NBPF9: variants seen among roughly 807,000 people sequenced by gnomAD.
NBPF9 encodes NBPF family member NBPF9.
Under a neutral mutation model 97.8 loss-of-function variants are expected in NBPF9, and 91 were observed. The ratio of observed to expected loss-of-function variants is 0.93; its 90% CI spans 0.79 to 1.11. The LOEUF (loss-of-function observed/expected upper bound fraction) is 1.11. Ranked by LOEUF, NBPF9 falls within the 50% of genes least tolerant of loss-of-function variation. NBPF9 has a pLI of 0.00. For synonymous variants in NBPF9, 334 were observed against 359.5 expected, an observed-to-expected ratio of 0.93 and a Z score of 0.80; for missense variants, 992 against 939.5, an observed-to-expected ratio of 1.06 and a Z score of -0.73.
chr1:149,103,081 A>T (rs1177384075), intron 1 of NBPF9, among the ~76,000 whole-genome samples: 1 of 151,838 alleles, frequency 6.6e-6, no homozygotes, highest in Non-Finnish European at 1.5e-5. Flanking sequence ...TTTCTTCCCC[A>T]GCGCCCAAGA....
chr1:149,061,981 C>T (rs1553650056), intron 22 of NBPF9, 112 bp downstream of exon 22: 1 of 637,238 alleles, frequency 1.6e-6, no homozygotes, highest in Non-Finnish European at 2.8e-6. Flanking sequence ...CCCATAGGTC[C>T]TGCCTGTGGC....
At chr1:149,070,272 G>C (rs2079293395) in intron 16 of NBPF9, among the ~76,000 whole-genome samples, 1 of 142,436 alleles carries the variant, frequency 7.0e-6, no homozygotes, top group Non-Finnish European at 1.5e-5. Context: ...ACCAAGCCAA[G>C]ATGGTGCCAC....
chr1:149,103,018 G>A (rs1458569524), intron 1 of NBPF9, among the ~76,000 whole-genome samples, 171 bp from the exon 2 acceptor site: 85 of 150,366 alleles, frequency 5.7e-4, no homozygotes, highest in Middle Eastern at 3.4e-3. Flanking sequence ...ACGTGCCCCC[G>A]AAGCTGCTCG....
chr1:149,079,924 CAT>C (rs1553656048), intron 8 of NBPF9, 127 bp downstream of exon 8: 10 of 794,198 alleles, frequency 1.3e-5, no homozygotes, highest in South Asian at 8.6e-5. Flanking sequence ...ATTTGTGTGT[CAT>C]GAGCCTGCCA....
intron 7 of NBPF9, among the ~76,000 whole-genome samples, chr1:149,081,113 T>C (rs879976347): frequency 6.8e-6 from 1 of 146,416 alleles, no homozygotes; most frequent in African/African-American, 2.5e-5. Context: ...ATTTTTGATT[T>C]ATTTATCTTT....
chr1:149,101,923 CTTTTTT>C (rs1229722249), intron 2 of NBPF9, among the ~76,000 whole-genome samples: 2 of 80,648 alleles, frequency 2.5e-5, no homozygotes, highest in Non-Finnish European at 2.5e-5. Context: ...ATTACCTGTA[CTTTTTT>C]TTTTTTTTTT....
chr1:149,087,099 A>C (rs1161814152), intron 5 of NBPF9, among the ~76,000 whole-genome samples: 5 of 151,828 alleles, frequency 3.3e-5, no homozygotes, highest in Non-Finnish European at 5.9e-5. Context: ...TCATTGTTGC[A>C]CTGATTGATC....
At chr1:149,098,160 T>A (rs1323188224) in intron 4 of NBPF9, among the ~76,000 whole-genome samples, 1 of 150,180 alleles carries the variant, frequency 6.7e-6, no homozygotes, top group Non-Finnish European at 1.5e-5. Context: ...GAGCAAGGAG[T>A]GGGATGCAGA....
chr1:149,079,620 G>A (rs587718764), intron 8 of NBPF9, among the ~76,000 whole-genome samples: 152 of 149,502 alleles, frequency 1.0e-3, no homozygotes, highest in African/African-American at 2.8e-3. Flanking sequence ...CAGATGGGGC[G>A]AATTGAAAAG....
chr1:149,093,191 T>G lies in NBPF9; in HGVS notation c.-336-2297A>C, dbSNP rs1171372078. Among the ~76,000 whole-genome samples the G allele has an allele frequency of 3.3e-5, 5 of 151,612 alleles. No homozygotes were observed. The East Asian group carries it at 9.8e-4, about 30-fold the overall frequency. ...AAGGTAAAGAAAAAAGTGCTGTGCT[T>G]TTGATGTGCATATACAGAAACATCT... On this transcript the variant is annotated intron_variant, in intron 4 of 29. Transcript: ENST00000584027.
intron 7 of NBPF9, among the ~76,000 whole-genome samples, chr1:149,081,678 A>G (rs1366147707): frequency 6.9e-6 from 1 of 145,164 alleles, no homozygotes; most frequent in South Asian, 2.3e-4. Flanking sequence ...TCTTGAAAAC[A>G]TGATTGAGCC....
intron 8 of NBPF9, 133 bp from the exon 9 acceptor site, chr1:149,079,354 A>T (rs2080201328): frequency 2.2e-6 from 2 of 927,712 alleles, no homozygotes; most frequent in Non-Finnish European, 3.6e-6. Context: ...GTTGAAAGGA[A>T]TGTCTGTGGC....
intron 2 of NBPF9, among the ~76,000 whole-genome samples, chr1:149,102,007 C>A (rs1335936611): frequency 8.7e-6 from 1 of 115,258 alleles, no homozygotes; most frequent in Non-Finnish European, 1.8e-5. Flanking sequence ...CGGCTCACTG[C>A]AATCTCAACC....
chr1:149,055,361 A>G, exon 30 of NBPF9: 1 of 595,764 alleles, frequency 1.7e-6, no homozygotes, highest in Non-Finnish European at 2.8e-6. Flanking sequence ...GCAAAATGAA[A>G]TCCCTGAGGA....
chr1:149,052,332 C>A (rs1453810908), downstream of NBPF9, among the ~76,000 whole-genome samples: 4 of 151,796 alleles, frequency 2.6e-5, no homozygotes, highest in African/African-American at 9.7e-5. Flanking sequence ...CAGTGGAAAT[C>A]ACCAATATGA....
intron 7 of NBPF9, among the ~76,000 whole-genome samples, chr1:149,080,986 C>T (rs2080382562): frequency 6.6e-6 from 1 of 151,844 alleles, no homozygotes; most frequent in Non-Finnish European, 1.5e-5. Context: ...CTGCTTTGCA[C>T]ACTGCACTGC....
chr1:149,100,665 G>T (rs2082088208), intron 3 of NBPF9, among the ~76,000 whole-genome samples: 2 of 152,214 alleles, frequency 1.3e-5, no homozygotes, highest in South Asian at 2.1e-4. Context: ...CGGGTGGGGT[G>T]GCTCATGCCT....
exon 25 of NBPF9, chr1:149,059,760 T>G: frequency 1.7e-6 from 1 of 579,002 alleles, no homozygotes; most frequent in Non-Finnish European, 3.0e-6. Context: ...TCTTTTCTTC[T>G]TTGATCTTCT....
intron 5 of NBPF9, among the ~76,000 whole-genome samples, chr1:149,087,828 CTTTT>C (rs60084667): frequency 3.4e-5 from 3 of 88,556 alleles, no homozygotes; most frequent in Non-Finnish European, 6.2e-5. Flanking sequence ...GTTGACTTTC[CTTTT>C]TTTTTTTTTT....
Sources: gnomAD v4.1 joint callset for allele counts (sites outside exome capture counted in the v4.1 genomes callset) on GRCh38, gnomAD v4.1.1 for gene constraint, MANE v1.5 for transcripts, NCBI Gene and HGNC (gene_info 2026-07-23, HGNC 2026-07-21) for gene names.